The following SIPA1L3 variants were observed in gnomAD, a reference collection of about 807,000 sequenced individuals.
SIPA1L3 encodes the protein signal-induced proliferation-associated 1-like protein 3.
A neutral mutation model predicts 150.1 loss-of-function variants in SIPA1L3; 59 were observed. That is an observed-to-expected ratio of 0.39 (90% CI 0.32 to 0.49). The LOEUF (loss-of-function observed/expected upper bound fraction) is 0.49. SIPA1L3 is among the 20% of genes least tolerant of loss of function. The pLI is 0.86. For missense variants in SIPA1L3, 2,211 were observed against 2,489.5 expected (o/e 0.89, Z 2.38); for synonymous variants, 1,070 against 1,077.6 (o/e 0.99, Z 0.14).
chr19:38,040,139 A>G (rs1442020410), intron 2 of SIPA1L3, among the ~76,000 whole-genome samples: 1 of 152,196 alleles, frequency 6.6e-6, no homozygotes, highest in Admixed American at 6.5e-5. Context: ...ATTGGACTCA[A>G]AATGTTCCGT....
intron 8 of SIPA1L3, among the ~76,000 whole-genome samples, chr19:38,116,112 T>C (rs964022408): frequency 6.6e-5 from 10 of 152,186 alleles, no homozygotes; most frequent in African/African-American, 2.4e-4. Flanking sequence ...CAGTAGGAAT[T>C]CTGTCTTGAC....
chr19:38,128,832 G>C (rs1245596836), intron 9 of SIPA1L3, among the ~76,000 whole-genome samples: 2 of 152,098 alleles, frequency 1.3e-5, no homozygotes, highest in Admixed American at 6.6e-5. Flanking sequence ...GGGAGGCGGA[G>C]GTGGCAGTGA....
intron 15 of SIPA1L3, among the ~76,000 whole-genome samples, chr19:38,177,536 A>G (rs2146013350): frequency 6.6e-6 from 1 of 152,276 alleles, no homozygotes; most frequent in South Asian, 2.1e-4. Context: ...AGGACAAAAA[A>G]AAGTATAAAA....
intron 1 of SIPA1L3, among the ~76,000 whole-genome samples, chr19:37,943,118 C>T (rs911028091): frequency 2.0e-5 from 3 of 146,850 alleles, no homozygotes; most frequent in African/African-American, 7.6e-5. Flanking sequence ...AGGTGATCCT[C>T]CTGCCTTGGC....
At chr19:37,968,423 A>G (rs569419383) in intron 1 of SIPA1L3, among the ~76,000 whole-genome samples, 1 of 152,152 alleles carries the variant, frequency 6.6e-6, no homozygotes, top group Non-Finnish European at 1.5e-5. Context: ...CACTGCTTCT[A>G]TTCTTGCCTC....
intron 10 of SIPA1L3, among the ~76,000 whole-genome samples, chr19:38,135,348 C>T (rs1043422698): frequency 1.6e-4 from 25 of 152,266 alleles, no homozygotes; most frequent in African/African-American, 6.0e-4. Context: ...CGGTTCCCAG[C>T]CCTTTTCTCC....
chr19:37,930,397 G>A (rs186368608), intron 1 of SIPA1L3, among the ~76,000 whole-genome samples: 2 of 151,816 alleles, frequency 1.3e-5, no homozygotes, highest in Admixed American at 1.3e-4. Context: ...GGGCTCAAGC[G>A]ATCCTCCCAC....
rs1421723504 is a variant in SIPA1L3, at chr19:38,001,338, A to T, written c.-378-27751A>T. Among the ~76,000 whole-genome samples, 3 of 152,028 alleles carry T rather than the reference A, an allele frequency of 2.0e-5. No homozygotes were observed. The East Asian group carries it at 5.8e-4, about 29-fold the overall frequency. On this transcript the variant is annotated intron_variant, in intron 1 of 21. Coordinates refer to ENST00000222345, the MANE Select transcript of SIPA1L3 (RefSeq NM_015073.3). ...CTGCCCAGACTTGTTCTAGATATTT[A>T]TCTTCTCTCCCACCTTTCTCTTGAG...
At chr19:38,020,276 G>A (rs964423814) in intron 1 of SIPA1L3, among the ~76,000 whole-genome samples, 10 of 152,072 alleles carry the variant, frequency 6.6e-5, no homozygotes, top group African/African-American at 1.9e-4. Flanking sequence ...GTAAGTCACC[G>A]TAGACTTTCT....
intron 17 of SIPA1L3, among the ~76,000 whole-genome samples, chr19:38,193,327 C>T (rs1288200198): frequency 2.3e-5 from 3 of 129,320 alleles, no homozygotes; most frequent in Non-Finnish European, 3.1e-5. Context: ...CCAGATTGGG[C>T]GACAGAGTGA....
chr19:38,140,292 G>A (rs1178090531), intron 10 of SIPA1L3, among the ~76,000 whole-genome samples: 3 of 152,224 alleles, frequency 2.0e-5, no homozygotes, highest in South Asian at 2.1e-4. Context: ...CCCAGCCGGC[G>A]GATCTCCCCG....
chr19:37,953,047 T>TC (rs1401216599), intron 1 of SIPA1L3, among the ~76,000 whole-genome samples: 2 of 152,162 alleles, frequency 1.3e-5, no homozygotes, highest in South Asian at 2.1e-4. Flanking sequence ...ATGGTGAAAC[T>TC]CCGTCTGTAC....
chr19:38,076,301 T>C (rs1374698631), intron 2 of SIPA1L3, among the ~76,000 whole-genome samples: 2 of 152,292 alleles, frequency 1.3e-5, no homozygotes, highest in East Asian at 3.9e-4. Flanking sequence ...AGTTAAAATT[T>C]ATCAAAACTT....
intron 3 of SIPA1L3, among the ~76,000 whole-genome samples, chr19:38,084,034 C>T (rs1200118195): frequency 1.3e-5 from 2 of 150,844 alleles, no homozygotes; most frequent in African/African-American, 4.9e-5. Flanking sequence ...CTTGTAACTG[C>T]TAGTAACAGG....
chr19:37,996,872 T>G (rs907286761), intron 1 of SIPA1L3, among the ~76,000 whole-genome samples: 37 of 151,984 alleles, frequency 2.4e-4, no homozygotes, highest in African/African-American at 8.5e-4. Flanking sequence ...AATTTTTGTA[T>G]TTTTAGTAGA....
chr19:38,170,146 G>A (rs999789442), intron 15 of SIPA1L3, among the ~76,000 whole-genome samples: 2 of 152,108 alleles, frequency 1.3e-5, no homozygotes, highest in African/African-American at 4.8e-5. Context: ...GGCTTTCCTG[G>A]AGAAAGAGTC....
intron 11 of SIPA1L3, 32 bp from the exon 12 acceptor site, chr19:38,142,541 C>A: frequency 6.3e-7 from 1 of 1,585,372 alleles, no homozygotes; most frequent in Non-Finnish European, 8.6e-7. Context: ...CCTACTCACC[C>A]TCTGCCTCCT....
intron 1 of SIPA1L3, among the ~76,000 whole-genome samples, chr19:37,982,850 G>A (rs1273501641): frequency 6.6e-6 from 1 of 152,162 alleles, no homozygotes; most frequent in Admixed American, 6.5e-5. Flanking sequence ...AAAGAGGGAC[G>A]GGGTCAAGCA....
intron 1 of SIPA1L3, among the ~76,000 whole-genome samples, chr19:37,966,335 A>G (rs2046904131): frequency 6.6e-6 from 1 of 152,090 alleles, no homozygotes; most frequent in Non-Finnish European, 1.5e-5. Context: ...TCAGTGAGGG[A>G]TGCTTTGCAG....
Sources: allele counts gnomAD v4.1 joint callset (sites outside exome capture counted in the v4.1 genomes callset), GRCh38; gene constraint gnomAD v4.1.1; transcripts MANE v1.5; gene names NCBI Gene and HGNC (gene_info 2026-07-23, HGNC 2026-07-21).